The following TRAPPC2L variants were observed in gnomAD, a reference collection of about 807,000 sequenced individuals.
The protein encoded by TRAPPC2L is trafficking protein particle complex subunit 2-like protein.
In TRAPPC2L, 17 loss-of-function variants were observed where a neutral mutation model predicts 13.2. The observed-to-expected ratio is 1.29, with a 90% CI of 0.88 to 1.93. The LOEUF is 1.93. Among genes scored for constraint, TRAPPC2L ranks in the 30% most tolerant of loss-of-function variants. The probability of loss-of-function intolerance (pLI) is 0.00; values close to 1 mark genes in which losing one functional copy is unlikely to be tolerated. For missense variants in TRAPPC2L, 359 were observed against 252.1 expected (o/e 1.42, Z -2.87); for synonymous variants, 150 against 98.1 (o/e 1.53, Z -3.12).
chr16:88,856,937 C>G, upstream of TRAPPC2L: 12 of 1,466,012 alleles, frequency 8.2e-6, no homozygotes, highest in Non-Finnish European at 1.1e-5. Context: ...CGTCCGCCGG[C>G]CCTTCCGGCT....
In TRAPPC2L at chr16:88,861,712, G is replaced by A. The variant is rs80333666; in HGVS notation, c.*1388G>A. On this transcript the variant is annotated 3_prime_UTR_variant, in exon 4 of 4. Coordinates refer to ENST00000565504, the Ensembl canonical transcript of TRAPPC2L. Reference sequence around the variant, plus strand: ...GCCGCCGGCGTCCTTGGGGTCCAGCGGTCAAGGCTCAGCCCGCTGAGGGGA... The same window carrying A: ...GCCGCCGGCGTCCTTGGGGTCCAGCAGTCAAGGCTCAGCCCGCTGAGGGGA... The A allele has an allele frequency of 4.1e-3, 1,935 of 468,812 alleles. 37 individuals are homozygous for A. Among genetic ancestry groups the A allele is most frequent in the African/African-American group, 0.035 (1,747 of 50,456 alleles). 29.0% of individuals were successfully genotyped at this position (468,812 alleles called of 1,614,324 possible).
At position 88,857,475 on chromosome 16, in the gene TRAPPC2L, C is replaced by T. The variant is rs549982626; in HGVS notation, c.33+292C>T. The stretch of plus-strand genomic sequence containing the variant: ...AGGTGGTCCCGGGCACTACCTCCGT[C>T]CTCCGTCCTCAGCAGGTTCTGCCCG... On this transcript the variant is annotated intron_variant, in intron 1 of 3. Coordinates refer to ENST00000565504, the Ensembl canonical transcript of TRAPPC2L. 66 of 415,796 alleles carry T rather than the reference C, an allele frequency of 1.6e-4. No individual in the cohort carries two copies. The East Asian group carries it at 2.2e-3, about 14-fold the overall frequency. 25.8% of individuals were successfully genotyped at this position (415,796 alleles called of 1,614,324 possible). A position where few individuals can be genotyped will look rare whatever the true frequency, so the allele number is the denominator to read the frequency against.
exon 4 of TRAPPC2L, chr16:88,860,873 G>T: frequency 6.4e-7 from 1 of 1,570,086 alleles, no homozygotes. Flanking sequence ...GAGGGGTGGA[G>T]GGCCTGGCTC....
upstream of TRAPPC2L, chr16:88,857,020 C>CG (rs1967961619): frequency 7.2e-7 from 1 of 1,390,888 alleles, no homozygotes; most frequent in Non-Finnish European, 9.2e-7. Flanking sequence ...GGACGGGAGG[C>CG]GGGGCCTGGA....
chr16:88,860,685 C>G, exon 4 of TRAPPC2L: 1 of 610,008 alleles, frequency 1.6e-6, no homozygotes, highest in Middle Eastern at 4.4e-4. Flanking sequence ...CCTCCTCCAC[C>G]CCTTCCTGGG....
In TRAPPC2L at chr16:88,859,354, C is replaced by T. The variant is rs113148088; in HGVS notation, c.207-309C>T. 85 of 683,094 alleles carry T rather than the reference C, an allele frequency of 1.2e-4. 1 individual carries two copies. The highest frequency in any genetic ancestry group is 2.3e-4 in the Middle Eastern group (1 of 4,302). 42.3% of individuals were successfully genotyped at this position (683,094 alleles called of 1,614,324 possible). ...GCCTCTGGTTTTGCAGTTAACTTTCCGGGCCAGGCATTGATTCATGAAGAG... is the reference window on the plus strand; with the variant it reads ...GCCTCTGGTTTTGCAGTTAACTTTCTGGGCCAGGCATTGATTCATGAAGAG... On this transcript the variant is annotated intron_variant, in intron 2 of 3. Transcript: ENST00000565504.
At chr16:88,856,914 C>T, upstream of TRAPPC2L, 1 of 1,495,718 alleles carries the variant, frequency 6.7e-7, no homozygotes, top group South Asian at 1.2e-5. Context: ...GGCCAGCGAG[C>T]CGACCTAGCG....
At chr16:88,856,525 C>A, upstream of TRAPPC2L, 1 of 696,570 alleles carries the variant, frequency 1.4e-6, no homozygotes, top group Non-Finnish European at 2.6e-6. Context: ...GCCGAGACCC[C>A]ACGCCTGGAC....
intron 1 of TRAPPC2L, 98 bp from the exon 2 acceptor site, chr16:88,858,521 C>A: frequency 7.3e-7 from 1 of 1,361,694 alleles, no homozygotes; most frequent in Non-Finnish European, 1.0e-6. Flanking sequence ...GAATGCGTTC[C>A]CCGGGTGGCT....
At chr16:88,859,374 G>A (rs1968212638) in intron 2 of TRAPPC2L, 3 of 693,694 alleles carry the variant, frequency 4.3e-6, no homozygotes, top group Non-Finnish European at 7.9e-6. Flanking sequence ...ATTGATTCAT[G>A]AAGAGGGTGA....
rs375117328 is a variant in TRAPPC2L at position 88,857,202 on chromosome 16, G to C, written c.33+19G>C. ...CAAGGAGGTGCGTACGCGCGGCGTG[G>C]GGCGTCCGGGCTCGCACCATCCTCG... is the stretch of plus-strand genomic sequence containing the variant. On this transcript the variant is annotated intron_variant, in intron 1 of 3. Transcript: ENST00000565504. The C allele has an allele frequency of 5.1e-6, 8 of 1,555,572 alleles. No homozygotes were observed. The highest frequency in any genetic ancestry group is 6.9e-6 in the Non-Finnish European group (8 of 1,155,238).
upstream of TRAPPC2L, chr16:88,856,224 C>T (rs1319899353): frequency 2.8e-6 from 2 of 703,044 alleles, no homozygotes; most frequent in African/African-American, 1.7e-5. Context: ...CAGCATTCTC[C>T]AGAGGACAGA....
At chr16:88,856,264 C>G (rs367683129), upstream of TRAPPC2L, 1 of 703,004 alleles carries the variant, frequency 1.4e-6, no homozygotes. Flanking sequence ...TGGAGCCCAG[C>G]GGGGGGACCC....
intron 2 of TRAPPC2L, 117 bp downstream of exon 2, chr16:88,858,908 G>C: frequency 8.9e-7 from 1 of 1,127,604 alleles, no homozygotes; most frequent in Non-Finnish European, 1.2e-6. Context: ...TAGCCAGCCA[G>C]GGAATTAGGG....
chr16:88,860,314 T>G, exon 4 of TRAPPC2L: 1 of 693,344 alleles, frequency 1.4e-6, no homozygotes, highest in African/African-American at 1.8e-5. Flanking sequence ...CGTCCTTTTG[T>G]AGCTACCTGA....
At chr16:88,862,249 C>CTT (rs1968437012) in exon 4 of TRAPPC2L, 1 of 152,650 alleles carries the variant, frequency 6.6e-6, no homozygotes, top group African/African-American at 2.4e-5. Context: ...CGTCCATTCT[C>CTT]TTTCCTCCGT....
At chr16:88,861,882 A>G (rs12597391) in exon 4 of TRAPPC2L, 85,197 of 297,476 alleles carry the variant, frequency 0.29, 12,886 homozygotes, top group East Asian at 0.54. Flanking sequence ...TTCTTGATAC[A>G]TATTTGCCTT....
chr16:88,856,767 G>A (rs1443269782), upstream of TRAPPC2L: 4 of 1,537,660 alleles, frequency 2.6e-6, no homozygotes, highest in Non-Finnish European at 3.5e-6. Context: ...CGTCGTCCAT[G>A]AGCAGGAGCA....
At chr16:88,856,858 G>A, upstream of TRAPPC2L, 3 of 1,511,212 alleles carry the variant, frequency 2.0e-6, no homozygotes, top group Non-Finnish European at 2.6e-6. Flanking sequence ...CCACCTCGTC[G>A]CCGCGACAAC....
Sources: gnomAD v4.1 joint callset for allele counts on GRCh38, gnomAD v4.1.1 for gene constraint, MANE v1.5 for transcripts, NCBI Gene and HGNC (gene_info 2026-07-23, HGNC 2026-07-21) for gene names.